NTN1: variants seen among roughly 807,000 people sequenced by gnomAD.
NTN1 encodes netrin 1, also known as netrin-1.
A neutral mutation model predicts 54.2 loss-of-function variants in NTN1; 11 were observed. The ratio of observed to expected loss-of-function variants is 0.20; its 90% CI spans 0.13 to 0.34. The LOEUF is 0.34. Among genes scored for constraint, NTN1 ranks in the 10% least tolerant of loss-of-function variants. The probability of loss-of-function intolerance (pLI) is 1.00; values close to 1 mark genes in which losing one functional copy is unlikely to be tolerated. For synonymous variants in NTN1, 371 were observed against 382.0 expected (o/e 0.97, Z 0.33); for missense variants, 740 against 893.1 (o/e 0.83, Z 2.18).
chr17:9,023,330 G>A lies in NTN1; in HGVS notation c.957G>A (p.Lys319=), dbSNP rs1388809232. The change falls in exon 2 of 7, where the codon AAG becomes AAA. Residue 319 remains lysine, a synonymous_variant. Coordinates refer to ENST00000173229, the MANE Select transcript of NTN1 (RefSeq NM_004822.3). ...NTAGPECDRC[K]PFHYDRPWQR... ...CCGGCCCGGAGTGCGACCGCTGCAAGCCCTTCCACTACGACCGGCCCTGGC... is the reference window on the plus strand; with the variant it reads ...CCGGCCCGGAGTGCGACCGCTGCAAACCCTTCCACTACGACCGGCCCTGGC... 2 of 1,527,132 alleles carry A rather than the reference G, an allele frequency of 1.3e-6. No individual in the cohort carries two copies. Among genetic ancestry groups the A allele is most frequent in the Admixed American group, 4.0e-5 (2 of 50,528 alleles). 94.6% of individuals were successfully genotyped at this position (1,527,132 alleles called of 1,614,324 possible). A position where few individuals can be genotyped will look rare whatever the true frequency, so the allele number is the denominator to read the frequency against.
intron 5 of NTN1, among the ~76,000 whole-genome samples, chr17:9,217,996 C>T (rs1905251025): frequency 6.6e-6 from 1 of 152,192 alleles, no homozygotes; most frequent in South Asian, 2.1e-4. Flanking sequence ...TGGATCTTTC[C>T]TCTGCCACAC....
At chr17:9,217,072 G>A (rs1268436079) in intron 5 of NTN1, among the ~76,000 whole-genome samples, 1 of 151,810 alleles carries the variant, frequency 6.6e-6, no homozygotes, top group Non-Finnish European at 1.5e-5. Context: ...AATATAAGGT[G>A]ACATCTTTGC....
intron 2 of NTN1, among the ~76,000 whole-genome samples, chr17:9,100,486 C>T (rs1460286480): frequency 1.3e-5 from 2 of 151,206 alleles, no homozygotes; most frequent in Non-Finnish European, 3.0e-5. Flanking sequence ...TTTTTTTAGT[C>T]GAGACGGGGT....
chr17:9,133,126 C>T (rs889577752), intron 2 of NTN1, among the ~76,000 whole-genome samples: 1 of 152,198 alleles, frequency 6.6e-6, no homozygotes, highest in Non-Finnish European at 1.5e-5. Context: ...GCTTCTAAGC[C>T]TGGGCAACTA....
the NTN1 span, among the ~76,000 whole-genome samples, chr17:9,007,284 C>T: frequency 0.011 from 1,407 of 125,446 alleles, 21 homozygotes; most frequent in African/African-American, 0.041. Context: ...TCTTTCATCC[C>T]TTCCTTCCTT....
chr17:9,202,924 T>C (rs955471634), intron 5 of NTN1, among the ~76,000 whole-genome samples: 1 of 152,122 alleles, frequency 6.6e-6, no homozygotes, highest in Non-Finnish European at 1.5e-5. Context: ...CTTATTTTTT[T>C]ATTTTTTATT....
chr17:9,239,779 C>A lies in NTN1; in HGVS notation c.1626C>A (p.Ile542=), dbSNP rs908059360. The A allele has an allele frequency of 6.2e-7, 1 of 1,613,784 alleles. No homozygotes were observed. Among genetic ancestry groups the A allele is most frequent in the East Asian group, 2.2e-5 (1 of 44,874 alleles). The change falls in exon 7 of 7, where the codon ATC becomes ATA. Residue 542 remains isoleucine, a synonymous_variant. Coordinates refer to ENST00000173229, the MANE Select transcript of NTN1 (RefSeq NM_004822.3). This position sits in a 1 kb window ranked among gnomAD's most constrained non-coding sequence, Gnocchi z 5.2. ...GCCTGTGGATCCGCTCGCGGGACAT[C>A]GCCTGCAAGTGTCCCAAAATCAAGC... ...DQSLWIRSRD[I]ACKCPKIKPL... is the part of the protein sequence containing the mutation.
intron 2 of NTN1, among the ~76,000 whole-genome samples, chr17:9,055,687 C>T (rs2091976966): frequency 6.6e-6 from 1 of 152,044 alleles, no homozygotes. Context: ...TGGATACCAT[C>T]TTGATGGGCT....
the NTN1 span, among the ~76,000 whole-genome samples, chr17:9,009,720 C>T: frequency 1.3e-5 from 2 of 152,162 alleles, no homozygotes; most frequent in African/African-American, 4.8e-5. Context: ...CTCCTTGAAG[C>T]ATAGAAACTT....
At chr17:9,193,542 T>C (rs577270880) in intron 5 of NTN1, among the ~76,000 whole-genome samples, 1 of 152,328 alleles carries the variant, frequency 6.6e-6, no homozygotes, top group South Asian at 2.1e-4. Flanking sequence ...TTTCTTAATA[T>C]CATTTGATAC....
intron 2 of NTN1, among the ~76,000 whole-genome samples, chr17:9,160,475 C>A (rs992599029): frequency 6.6e-6 from 1 of 151,838 alleles, no homozygotes; most frequent in South Asian, 2.1e-4. Context: ...GAAAAAAAAC[C>A]CCCACAAAAC....
At chr17:9,082,591 G>T (rs1396180561) in intron 2 of NTN1, among the ~76,000 whole-genome samples, 1 of 152,188 alleles carries the variant, frequency 6.6e-6, no homozygotes, top group African/African-American at 2.4e-5. Context: ...GTGTGGGGCC[G>T]TGAGCAGCGC....
intron 2 of NTN1, among the ~76,000 whole-genome samples, chr17:9,123,811 T>G (rs2092237987): frequency 6.6e-6 from 1 of 152,204 alleles, no homozygotes; most frequent in South Asian, 2.1e-4. Context: ...CAGTTCTGAT[T>G]CTTGTAGTCT....
chr17:9,220,971 C>T (rs1300706156), intron 5 of NTN1, among the ~76,000 whole-genome samples, 197 bp from the exon 6 acceptor site: 1 of 17,160 alleles, frequency 5.8e-5, no homozygotes. Context: ...GTGGGTGGGT[C>T]GGACGGGGGC....
At chr17:9,226,411 CGTGGGG>C (rs1905551452) in intron 6 of NTN1, among the ~76,000 whole-genome samples, 8 of 145,530 alleles carry the variant, frequency 5.5e-5, no homozygotes, top group Admixed American at 1.4e-4. Context: ...GGGTGGGGGC[CGTGGGG>C]AGGCGGTCTC....
intron 2 of NTN1, among the ~76,000 whole-genome samples, chr17:9,113,797 A>G (rs1040016863): frequency 2.0e-5 from 3 of 152,178 alleles, no homozygotes; most frequent in African/African-American, 4.8e-5. Context: ...AATGTTGTTT[A>G]TAACAGCAAA....
intron 2 of NTN1, among the ~76,000 whole-genome samples, chr17:9,148,099 C>A (rs1017862169): frequency 6.6e-6 from 1 of 151,992 alleles, no homozygotes; most frequent in Non-Finnish European, 1.5e-5. Flanking sequence ...TGGGTAGGGG[C>A]AGAGGGGCGT....
In NTN1 at chr17:9,109,051, AT is replaced by A. The variant is rs537275953; in HGVS notation, c.1019-53757del. Among the ~76,000 whole-genome samples the A allele has an allele frequency of 3.6e-4, 54 of 151,822 alleles. No individual in the cohort carries two copies. The East Asian group carries it at 0.01, about 29-fold the overall frequency. ...ACCACCACCCCCGGCTAATTTTTGT[AT>A]TTTTAGTAGAGACGGGGTTTCACCA... On this transcript the variant is annotated intron_variant, in intron 2 of 6. Transcript: ENST00000173229.
At chr17:9,019,612 C>T (rs913701465), upstream of NTN1, among the ~76,000 whole-genome samples, 20 of 152,252 alleles carry the variant, frequency 1.3e-4, no homozygotes, top group Admixed American at 1.2e-3. Flanking sequence ...GTGATGCTCA[C>T]AACCCAGTGG....
Sources: allele counts gnomAD v4.1 joint callset (sites outside exome capture counted in the v4.1 genomes callset), GRCh38; gene constraint gnomAD v4.1.1; non-coding constraint Gnocchi (gnomAD v3.1); transcripts MANE v1.5; gene names NCBI Gene and HGNC (gene_info 2026-07-23, HGNC 2026-07-21).